DLGAP2: variants seen among roughly 807,000 people sequenced by gnomAD.
DLGAP2 encodes disks large-associated protein 2.
A neutral mutation model predicts 100.3 loss-of-function variants in DLGAP2; 26 were observed. The ratio of observed to expected loss-of-function variants is 0.26; its 90% confidence interval spans 0.19 to 0.36. The LOEUF (loss-of-function observed/expected upper bound fraction) is 0.36. Ranked by LOEUF, DLGAP2 falls within the 10% of genes least tolerant of loss-of-function variation. The probability of loss-of-function intolerance (pLI) is 1.00; values close to 1 mark genes in which losing one functional copy is unlikely to be tolerated. For missense variants in DLGAP2, 1,858 were observed against 1,453.2 expected (o/e 1.28, Z -4.53); for synonymous variants, 886 against 630.1 (o/e 1.41, Z -6.08).
chr8:1,089,579 G>C (rs1337641192), intron 2 of DLGAP2, among the ~76,000 whole-genome samples: 2 of 152,214 alleles, frequency 1.3e-5, no homozygotes, highest in African/African-American at 4.8e-5. Flanking sequence ...AGAGCACTGA[G>C]GCCCACTGCT....
intron 2 of DLGAP2, among the ~76,000 whole-genome samples, chr8:1,145,648 A>C (rs1175626435): frequency 6.6e-6 from 1 of 151,898 alleles, no homozygotes; most frequent in Admixed American, 6.6e-5. Flanking sequence ...GTTTTAGGGT[A>C]CATGTGCACA....
At chr8:1,375,139 G>A (rs1419121372) in intron 3 of DLGAP2, among the ~76,000 whole-genome samples, 10 of 130,744 alleles carry the variant, frequency 7.6e-5, no homozygotes, top group Non-Finnish European at 1.6e-4. Flanking sequence ...ACCTCTCCAC[G>A]ACCTCAGAAC....
At chr8:1,692,736 T>G (rs1386376441) in intron 13 of DLGAP2, among the ~76,000 whole-genome samples, 1 of 152,110 alleles carries the variant, frequency 6.6e-6, no homozygotes, top group African/African-American at 2.4e-5. Flanking sequence ...CCTTTGTATT[T>G]TATAGTCGGT....
intron 3 of DLGAP2, among the ~76,000 whole-genome samples, chr8:1,358,754 A>G (rs56960430): frequency 6.6e-6 from 1 of 151,996 alleles, no homozygotes; most frequent in Admixed American, 6.6e-5. Context: ...ACCCTGGCCT[A>G]TTCTTCTGCG....
intron 3 of DLGAP2, among the ~76,000 whole-genome samples, chr8:1,490,357 A>C (rs1799345012): frequency 6.6e-6 from 1 of 152,254 alleles, no homozygotes; most frequent in African/African-American, 2.4e-5. Context: ...AACAGAAGCC[A>C]ATCTCAGGCA....
At chr8:1,456,682 G>C (rs1178976303) in intron 3 of DLGAP2, among the ~76,000 whole-genome samples, 2 of 152,258 alleles carry the variant, frequency 1.3e-5, no homozygotes, top group East Asian at 3.8e-4. Flanking sequence ...TTGTTGAAGA[G>C]TTGTCTAGGA....
At chr8:1,457,382 G>T (rs1798344915) in intron 3 of DLGAP2, among the ~76,000 whole-genome samples, 1 of 152,146 alleles carries the variant, frequency 6.6e-6, no homozygotes, top group East Asian at 1.9e-4. Flanking sequence ...ATGAAACTCT[G>T]AGTTTTCCTG....
intron 2 of DLGAP2, among the ~76,000 whole-genome samples, chr8:1,200,207 C>T (rs768807090): frequency 1.3e-5 from 2 of 152,202 alleles, no homozygotes; most frequent in Non-Finnish European, 2.9e-5. Context: ...CACCGGGTGT[C>T]ACCTTCCTCC....
At chr8:1,611,032 C>G (rs1378032736) in intron 6 of DLGAP2, among the ~76,000 whole-genome samples, 8 of 139,224 alleles carry the variant, frequency 5.7e-5, no homozygotes, top group Non-Finnish European at 9.1e-5. Context: ...CTCCCTAACT[C>G]ATTTTATGAG....
At chr8:1,656,847 G>A (rs1051131756) in intron 8 of DLGAP2, among the ~76,000 whole-genome samples, 3 of 152,176 alleles carry the variant, frequency 2.0e-5, no homozygotes, top group African/African-American at 4.8e-5. Flanking sequence ...ATGTTACACA[G>A]TTCCTTCTGA....
At chr8:1,343,571 G>A (rs779444053) in intron 3 of DLGAP2, among the ~76,000 whole-genome samples, 8 of 152,228 alleles carry the variant, frequency 5.3e-5, no homozygotes, top group Non-Finnish European at 1.2e-4. Flanking sequence ...CCCCAGAGGC[G>A]CTGGTCAAAA....
At chr8:1,680,433 A>C (rs1798916958) in intron 12 of DLGAP2, 1 of 152,234 alleles carries the variant, frequency 6.6e-6, no homozygotes, top group South Asian at 2.1e-4. Flanking sequence ...CTGATTTTTT[A>C]TTGTTAAAAC....
chr8:1,318,435 C>G (rs959644703), intron 3 of DLGAP2, among the ~76,000 whole-genome samples: 2 of 150,608 alleles, frequency 1.3e-5, no homozygotes, highest in African/African-American at 4.9e-5. Flanking sequence ...TAGTGACCTT[C>G]GTTTCTTCGT....
At chr8:1,442,032 G>T (rs1055123694) in intron 3 of DLGAP2, among the ~76,000 whole-genome samples, 1 of 152,170 alleles carries the variant, frequency 6.6e-6, no homozygotes, top group Admixed American at 6.5e-5. Context: ...TTTCTAAGGG[G>T]AACTGTGCAC....
At chr8:1,202,565 C>T (rs948284102) in intron 2 of DLGAP2, among the ~76,000 whole-genome samples, 2 of 152,132 alleles carry the variant, frequency 1.3e-5, no homozygotes, top group Non-Finnish European at 2.9e-5. Flanking sequence ...AGAGGAATTC[C>T]CCAGGAGATG....
intron 4 of DLGAP2, among the ~76,000 whole-genome samples, chr8:1,524,315 C>A (rs528538771): frequency 9.2e-5 from 14 of 152,098 alleles, no homozygotes; most frequent in Admixed American, 9.2e-4. Context: ...CAACACAGAC[C>A]CTCACCGGTG....
intron 3 of DLGAP2, among the ~76,000 whole-genome samples, chr8:1,284,558 C>A (rs1799884901): frequency 6.6e-6 from 1 of 152,160 alleles, no homozygotes; most frequent in African/African-American, 2.4e-5. Flanking sequence ...CTGTTTCTCT[C>A]AATTCTTTTT....
intron 2 of DLGAP2, among the ~76,000 whole-genome samples, chr8:1,064,728 G>A (rs879666947): frequency 6.6e-6 from 1 of 152,140 alleles, no homozygotes; most frequent in Non-Finnish European, 1.5e-5. Flanking sequence ...ATTAAGCTCT[G>A]CCAATTATAT....
intron 3 of DLGAP2, among the ~76,000 whole-genome samples, chr8:1,263,979 C>T (rs1001188696): frequency 6.6e-6 from 1 of 152,252 alleles, no homozygotes; most frequent in Admixed American, 6.5e-5. Context: ...CTTCTAGGAC[C>T]TGAACATGGT....
Sources: gnomAD v4.1 joint callset for allele counts (sites outside exome capture counted in the v4.1 genomes callset) on GRCh38, gnomAD v4.1.1 for gene constraint, MANE v1.5 for transcripts, NCBI Gene and HGNC (gene_info 2026-07-23, HGNC 2026-07-21) for gene names.